The following ITGA9 variants were observed in gnomAD, a reference collection of about 807,000 sequenced individuals.
ITGA9 encodes integrin subunit alpha 9, also known as integrin alpha-9.
Under a neutral mutation model 127.8 loss-of-function variants are expected in ITGA9, and 56 were observed. That is an observed-to-expected ratio of 0.44 (90% confidence interval 0.35 to 0.55). The LOEUF (loss-of-function observed/expected upper bound fraction) is 0.55, where lower values mean the gene tolerates loss of function less well. Among genes scored for constraint, ITGA9 ranks in the 20% least tolerant of loss-of-function variants. ITGA9 has a pLI of 0.00. For synonymous variants in ITGA9, 508 were observed against 514.5 expected, an observed-to-expected ratio of 0.99 and a Z score of 0.17; for missense variants, 1,196 against 1,347.1, an observed-to-expected ratio of 0.89 and a Z score of 1.76.
intron 15 of ITGA9, among the ~76,000 whole-genome samples, chr3:37,581,390 A>T (rs887347729): frequency 6.6e-6 from 1 of 152,160 alleles, no homozygotes; most frequent in African/African-American, 2.4e-5. Context: ...TGAGCGCGTG[A>T]TTGGTGAGGA....
intron 21 of ITGA9, 60 bp from the exon 22 acceptor site, chr3:37,743,866 A>G (rs1696467302): frequency 2.7e-6 from 3 of 1,107,896 alleles, no homozygotes; most frequent in Non-Finnish European, 4.2e-6. Flanking sequence ...TCAGAATGGC[A>G]GTGACCATGG....
At chr3:37,458,694 T>C (rs901688585) in intron 1 of ITGA9, among the ~76,000 whole-genome samples, 3 of 152,222 alleles carry the variant, frequency 2.0e-5, no homozygotes, top group Non-Finnish European at 4.4e-5. Flanking sequence ...ATGTGCTCCT[T>C]GGCCTGCAGT....
chr3:37,767,576 G>A (rs146280884), intron 23 of ITGA9, among the ~76,000 whole-genome samples: 11 of 152,286 alleles, frequency 7.2e-5, no homozygotes, highest in East Asian at 5.8e-4. Context: ...TTGTTTACCC[G>A]TTTCGGTTCA....
chr3:37,628,530 G>A (rs1399883788), intron 15 of ITGA9, among the ~76,000 whole-genome samples: 2 of 152,128 alleles, frequency 1.3e-5, no homozygotes, highest in African/African-American at 4.8e-5. Context: ...GGGCGTGGGT[G>A]TGTTTCTCAT....
rs144283361 is a variant in ITGA9, at chr3:37,560,436, G to A, written c.1689+17851G>A. 5.2e-3 allele frequency among the ~76,000 whole-genome samples: 799 copies of A among 152,308 alleles called. 3 individuals are homozygous for A. Among genetic ancestry groups the A allele is most frequent in the South Asian group, 0.01 (49 of 4,820 alleles). On this transcript the variant is annotated intron_variant, in intron 15 of 27. Transcript: ENST00000264741. Reference sequence around the variant, plus strand: ...TATGTGTGCATGTGTCTTTATAGTAGCATGATTTATAATCCTTTGGGTATA... The same window carrying A: ...TATGTGTGCATGTGTCTTTATAGTAACATGATTTATAATCCTTTGGGTATA...
intron 16 of ITGA9, among the ~76,000 whole-genome samples, chr3:37,652,856 T>C (rs1245490019): frequency 6.6e-6 from 1 of 152,172 alleles, no homozygotes; most frequent in Non-Finnish European, 1.5e-5. Flanking sequence ...CTACTGTCCA[T>C]AGATCTGAAA....
chr3:37,488,891 A>C (rs1240435015), intron 4 of ITGA9, among the ~76,000 whole-genome samples: 1 of 152,166 alleles, frequency 6.6e-6, no homozygotes, highest in African/African-American at 2.4e-5. Context: ...ATGTACATTC[A>C]CACTGCCATG....
chr3:37,695,376 TG>T (rs1241802264), intron 18 of ITGA9, among the ~76,000 whole-genome samples: 21 of 152,346 alleles, frequency 1.4e-4, no homozygotes, highest in Non-Finnish European at 2.8e-4. Context: ...TACCTTCAAC[TG>T]GTTTCCTTCT....
At chr3:37,670,739 G>T (rs1004184932) in intron 17 of ITGA9, among the ~76,000 whole-genome samples, 2 of 151,964 alleles carry the variant, frequency 1.3e-5, no homozygotes, top group Non-Finnish European at 2.9e-5. Context: ...CTACACATTT[G>T]TGCTCTCCCC....
chr3:37,818,245 T>C (rs1158509897), intron 27 of ITGA9: 1 of 108,744 alleles, frequency 9.2e-6, no homozygotes, highest in Non-Finnish European at 1.9e-5. Context: ...TATTTGACCA[T>C]GAAACCTTTT....
At position 37,736,976 on chromosome 3, in the gene ITGA9, G is replaced by T. The variant is rs764129247; in HGVS notation, c.2227G>T (p.Ala743Ser). 4 of 1,607,184 alleles carry T rather than the reference G, an allele frequency of 2.5e-6. No individual in the cohort carries two copies. The highest frequency in any genetic ancestry group is 3.4e-6 in the Non-Finnish European group (4 of 1,173,828). The change falls in exon 20 of 28, where the codon GCT becomes TCT. Residue 743 changes from alanine to serine, a missense_variant. By Grantham distance (99) the Ala-to-Ser change is moderately conservative (BLOSUM62 1). Coordinates refer to ENST00000264741, the MANE Select transcript of ITGA9 (RefSeq NM_002207.3). ...EEEVLSFIVTAQSGNTERSES... is the reference protein window; with the variant it reads ...EEEVLSFIVTSQSGNTERSES... Reference sequence around the variant, plus strand: ...GGAAGTTCTCAGCTTCATTGTTACTGCTCAGAGGTAAGGGGGGGGTTTAAA... The same window carrying T: ...GGAAGTTCTCAGCTTCATTGTTACTTCTCAGAGGTAAGGGGGGGGTTTAAA...
chr3:37,724,663 A>AT (rs1701227615), intron 18 of ITGA9, among the ~76,000 whole-genome samples: 2 of 151,974 alleles, frequency 1.3e-5, no homozygotes, highest in African/African-American at 4.8e-5. Flanking sequence ...CGCCCAGCTA[A>AT]TTTTTTGTAT....
intron 15 of ITGA9, among the ~76,000 whole-genome samples, chr3:37,609,235 A>G (rs977353130): frequency 2.0e-5 from 3 of 151,728 alleles, no homozygotes; most frequent in African/African-American, 7.3e-5. Context: ...AGAATGTTCT[A>G]CCCTTTAATA....
At chr3:37,668,526 A>G (rs1700606689) in intron 17 of ITGA9, among the ~76,000 whole-genome samples, 1 of 152,126 alleles carries the variant, frequency 6.6e-6, no homozygotes, top group African/African-American at 2.4e-5. Flanking sequence ...ACAGGGAGCC[A>G]TGTGTGGTTT....
At chr3:37,586,373 A>G (rs1471847989) in intron 15 of ITGA9, among the ~76,000 whole-genome samples, 1 of 152,206 alleles carries the variant, frequency 6.6e-6, no homozygotes, top group Non-Finnish European at 1.5e-5. Context: ...AAAGCTCTGC[A>G]AAGGACTTTC....
At chr3:37,458,743 G>A (rs1258037261) in intron 1 of ITGA9, among the ~76,000 whole-genome samples, 1 of 152,224 alleles carries the variant, frequency 6.6e-6, no homozygotes, top group Non-Finnish European at 1.5e-5. Context: ...TCTGTAATCA[G>A]TGTGTGGAGC....
intron 17 of ITGA9, among the ~76,000 whole-genome samples, chr3:37,659,937 T>C (rs1344337873): frequency 6.6e-6 from 1 of 151,930 alleles, no homozygotes; most frequent in African/African-American, 2.4e-5. Context: ...AAAGTAATAC[T>C]AAGATTCCTT....
intron 4 of ITGA9, among the ~76,000 whole-genome samples, chr3:37,482,468 T>G (rs1448531982): frequency 6.6e-6 from 1 of 152,252 alleles, no homozygotes; most frequent in Non-Finnish European, 1.5e-5. Context: ...GTTTCAAGTT[T>G]TCTCAGCCTA....
At chr3:37,618,654 G>A (rs1700098462) in intron 15 of ITGA9, among the ~76,000 whole-genome samples, 1 of 152,196 alleles carries the variant, frequency 6.6e-6, no homozygotes, top group Non-Finnish European at 1.5e-5. Context: ...GTCAAGCCTT[G>A]GCGATGGTGG....
Sources: allele counts gnomAD v4.1 joint callset (sites outside exome capture counted in the v4.1 genomes callset), GRCh38; gene constraint gnomAD v4.1.1; transcripts MANE v1.5; gene names NCBI Gene and HGNC (gene_info 2026-07-23, HGNC 2026-07-21).